ZNF326: variants seen among roughly 807,000 people sequenced by gnomAD.
The protein encoded by ZNF326 is DBIRD complex subunit ZNF326.
In ZNF326, 30 loss-of-function variants were observed where a neutral mutation model predicts 63.1. The ratio of observed to expected loss-of-function variants is 0.48; its 90% CI spans 0.36 to 0.64. The LOEUF is 0.64. Among genes scored for constraint, ZNF326 ranks in the 30% least tolerant of loss-of-function variants. The pLI is 0.00. For synonymous variants in ZNF326, 194 were observed against 228.2 expected (o/e 0.85, Z 1.35); for missense variants, 609 against 720.3 (o/e 0.85, Z 1.77).
chr1:90,021,192 T>C (rs1026439261), intron 10 of ZNF326, among the ~76,000 whole-genome samples: 5 of 152,104 alleles, frequency 3.3e-5, no homozygotes, highest in Admixed American at 2.6e-4. Flanking sequence ...TGAGGGTAGA[T>C]GATCATTCTA....
At chr1:90,001,563 T>TA (rs1209183959) in intron 2 of ZNF326, among the ~76,000 whole-genome samples, 4 of 151,446 alleles carry the variant, frequency 2.6e-5, no homozygotes, top group Non-Finnish European at 5.9e-5. Context: ...TAATTTTTTT[T>TA]TTTTTTTGAG....
At chr1:90,005,523 T>G in intron 4 of ZNF326, 1 of 1,036,002 alleles carries the variant, frequency 9.7e-7, no homozygotes, top group Non-Finnish European at 1.2e-6. Flanking sequence ...TCTTTTACTT[T>G]TAACTTCTTG....
intron 1 of ZNF326, 23 bp downstream of exon 1, chr1:89,995,296 C>T (rs1397357694): frequency 1.1e-5 from 17 of 1,545,042 alleles, no homozygotes; most frequent in Non-Finnish European, 1.5e-5. Flanking sequence ...TCTGGCTGGT[C>T]GGCGCAGCTG....
chr1:89,998,050 A>C, intron 1 of ZNF326, 60 bp from the exon 2 acceptor site: 3 of 1,483,526 alleles, frequency 2.0e-6, no homozygotes, highest in Non-Finnish European at 2.8e-6. Context: ...GGATCGGCAT[A>C]TAATTTTGAA....
intron 7 of ZNF326, among the ~76,000 whole-genome samples, chr1:90,016,460 A>G (rs914936321): frequency 5.9e-5 from 9 of 152,180 alleles, no homozygotes; most frequent in Admixed American, 1.3e-4. Flanking sequence ...TCACACTTGT[A>G]ATCCCAGCAC....
At position 90,029,846 on chromosome 1, in the gene ZNF326, G is replaced by C. The variant is rs1357934496; in HGVS notation, c.*2145G>C. The C allele has an allele frequency of 6.6e-6, 1 of 152,160 alleles. No individual in the cohort carries two copies. Among genetic ancestry groups the C allele is most frequent in the Non-Finnish European group, 1.5e-5 (1 of 68,014 alleles). 9.4% of individuals were successfully genotyped at this position (152,160 alleles called of 1,614,324 possible). A position where few individuals can be genotyped will look rare whatever the true frequency, so the allele number is the denominator to read the frequency against. ...GTATTTTGTTACTGTGCTTAATTCA[G>C]AAATTCAAATTCATGTATTTCCTAT... On this transcript the variant is annotated 3_prime_UTR_variant, in exon 12 of 12. Transcript: ENST00000340281.
At chr1:90,000,338 A>G (rs1004325354) in intron 2 of ZNF326, among the ~76,000 whole-genome samples, 2 of 152,184 alleles carry the variant, frequency 1.3e-5, no homozygotes, top group Admixed American at 6.5e-5. Flanking sequence ...TGGAAGGAAA[A>G]TGTATTTCCA....
intron 11 of ZNF326, among the ~76,000 whole-genome samples, chr1:90,023,378 C>G (rs545149889): frequency 6.6e-6 from 1 of 152,168 alleles, no homozygotes; most frequent in African/African-American, 2.4e-5. Context: ...TGACTCTTAA[C>G]AGCTACTCTG....
intron 11 of ZNF326, among the ~76,000 whole-genome samples, chr1:90,024,286 A>G (rs542742804): frequency 3.3e-5 from 5 of 152,186 alleles, no homozygotes; most frequent in Non-Finnish European, 7.3e-5. Flanking sequence ...TAATCAGTAC[A>G]TCAATTTCTC....
rs35203888 is a variant in ZNF326 at position 90,003,128 on chromosome 1, C to CT, written c.62-1858dup. 8.7e-3 allele frequency among the ~76,000 whole-genome samples: 1,199 copies of CT among 137,586 alleles called. 13 individuals carry two copies. Among genetic ancestry groups the CT allele is most frequent in the African/African-American group, 0.022 (846 of 37,762 alleles). 90.3% of individuals were successfully genotyped at this position (137,586 alleles called of 152,430 possible). ...GTTAAAACAATGTTTTCACTTAGTT[C>CT]TTTTTTTTTTTTTTTTTCTTTGAGA... On this transcript the variant is annotated intron_variant, in intron 2 of 11. Transcript: ENST00000340281.
chr1:89,995,566 T>A (rs757139871), intron 1 of ZNF326, among the ~76,000 whole-genome samples: 1 of 152,196 alleles, frequency 6.6e-6, no homozygotes, highest in African/African-American at 2.4e-5. Context: ...TGGCCCCTGG[T>A]AGTGGAAATT....
rs995059730 is a variant in ZNF326, at chr1:89,997,413, G to A, written c.17-697G>A. 1.3e-4 allele frequency among the ~76,000 whole-genome samples: 20 copies of A among 151,326 alleles called. 1 individual carries two copies. The highest frequency in any genetic ancestry group is 4.1e-4 in the African/African-American group (17 of 41,122). On this transcript the variant is annotated intron_variant, in intron 1 of 11. Transcript: ENST00000340281. Reference sequence around the variant, plus strand: ...TTTTGAGACAGAGTCTCGTTCTGTCGCCCAGGCTGGAGTGCAGTGGTGCAG... The same window carrying A: ...TTTTGAGACAGAGTCTCGTTCTGTCACCCAGGCTGGAGTGCAGTGGTGCAG...
At position 90,031,366 on chromosome 1, in the gene ZNF326, A is replaced by G. The variant is rs1223410889; in HGVS notation, c.*3665A>G. ...ATTTAAGAACTCTGTTTTTGTTGGCAAGATTGTTCTTATTGTAGAAGTGGA... is the reference window on the plus strand; with the variant it reads ...ATTTAAGAACTCTGTTTTTGTTGGCGAGATTGTTCTTATTGTAGAAGTGGA... On this transcript the variant is annotated 3_prime_UTR_variant, in exon 12 of 12. Transcript: ENST00000340281. 1 of 152,232 alleles carries G rather than the reference A, an allele frequency of 6.6e-6. No homozygotes were observed. Among genetic ancestry groups the G allele is most frequent in the Non-Finnish European group, 1.5e-5 (1 of 68,042 alleles). The allele number at this position is 152,232 out of a possible 1,614,324, so 9.4% of individuals were successfully genotyped here.
At chr1:89,998,233 C>G (rs1648498274) in intron 2 of ZNF326, 79 bp downstream of exon 2, 2 of 1,404,484 alleles carry the variant, frequency 1.4e-6, no homozygotes, top group Admixed American at 1.8e-5. Context: ...CTACCTATTT[C>G]AGTCCTTGTT....
intron 2 of ZNF326, among the ~76,000 whole-genome samples, chr1:90,001,454 A>G (rs1375799551): frequency 6.6e-6 from 1 of 152,190 alleles, no homozygotes; most frequent in Non-Finnish European, 1.5e-5. Context: ...AGATGTTGGT[A>G]TCTTGTAGTA....
rs574169059 is a variant in ZNF326 at position 90,033,493 on chromosome 1, CATA to C, written c.*5795_*5797del. 7 of 152,152 alleles carry C rather than the reference CATA, an allele frequency of 4.6e-5. No individual in the cohort carries two copies. In the South Asian group the frequency reaches 1.5e-3, roughly 32 times the overall value. The allele number at this position is 152,152 out of a possible 1,614,324, so 9.4% of individuals were successfully genotyped here. A position where few individuals can be genotyped will look rare whatever the true frequency, so the allele number is the denominator to read the frequency against. On this transcript the variant is annotated 3_prime_UTR_variant, in exon 12 of 12. Coordinates refer to ENST00000340281, the MANE Select transcript of ZNF326 (RefSeq NM_182976.4). ...ATGTAATCCTCATCATATTATATGT[CATA>C]ATCTTCAAATATTTTAGAGGTTATT...
At chr1:90,027,238 A>C in intron 11 of ZNF326, 116 bp from the exon 12 acceptor site, 1 of 924,736 alleles carries the variant, frequency 1.1e-6, no homozygotes, top group Non-Finnish European at 1.7e-6. Context: ...TATAATTTAC[A>C]ATGAAAAGTT....
chr1:90,027,380 C>T lies in ZNF326; in HGVS notation c.1428C>T (p.Asp476=), dbSNP rs758601006. 23 of 1,613,350 alleles carry T rather than the reference C, an allele frequency of 1.4e-5. 1 individual carries two copies. The South Asian group carries it at 2.5e-4, about 18-fold the overall frequency. ...VKGENPFEIQ[D]HSQDQQIEGD... is the part of the protein sequence containing the mutation. ...GTGAGAATCCTTTTGAAATTCAAGA[C>T]CATTCTCAGGATCAGCAAATAGAAG... is the stretch of plus-strand genomic sequence containing the variant. Residue 476 remains aspartate (D), a synonymous_variant, in exon 12 of 12, where the codon GAC becomes GAT. Transcript: ENST00000340281.
At chr1:90,025,510 C>G (rs777746994) in intron 11 of ZNF326, among the ~76,000 whole-genome samples, 1 of 152,162 alleles carries the variant, frequency 6.6e-6, no homozygotes, top group Admixed American at 6.5e-5. Flanking sequence ...AATTTTGATT[C>G]AGGCAGTCTG....
Sources: gnomAD v4.1 joint callset for allele counts (sites outside exome capture counted in the v4.1 genomes callset) on GRCh38, gnomAD v4.1.1 for gene constraint, MANE v1.5 for transcripts, NCBI Gene and HGNC (gene_info 2026-07-23, HGNC 2026-07-21) for gene names.